The following SPATC1 variants were observed in gnomAD, a reference collection of about 807,000 sequenced individuals.
SPATC1 encodes speriolin.
SPATC1 carries 35 observed loss-of-function variants against 36.5 expected under a neutral mutation model. The observed-to-expected ratio is 0.96, with a 90% CI of 0.73 to 1.27. The LOEUF (loss-of-function observed/expected upper bound fraction) is 1.27, where lower values mean the gene tolerates loss of function less well. Among genes scored for constraint, SPATC1 ranks in the 50% most tolerant of loss-of-function variants. The pLI is 0.00. For missense variants in SPATC1, 779 were observed against 796.0 expected (o/e 0.98, Z 0.26); for synonymous variants, 361 against 353.6 (o/e 1.02, Z -0.24).
intron 1 of SPATC1, among the ~76,000 whole-genome samples, chr8:144,028,866 A>T (rs950852251): frequency 0.033 from 5,072 of 152,264 alleles, 298 homozygotes; most frequent in African/African-American, 0.12. Flanking sequence ...ATGGAATATT[A>T]TGCCATAAAA....
rs782059713 is a variant in SPATC1, at chr8:144,046,756, G to A, written c.1576G>A (p.Glu526Lys). ...CGGGCGGGTGCACCCTGCGCTGACC[G>A]AGCAGCTGGTGAACGCTTATGGCAT... is the stretch of plus-strand genomic sequence containing the variant. ...YNGRVHPALTEQLVNAYGILR... is the reference protein window; with the variant it reads ...YNGRVHPALTKQLVNAYGILR... The change falls in exon 5 of 5, where the codon GAG (glutamate) becomes AAG (lysine). Residue 526 changes from glutamate to lysine, a missense_variant. Physicochemically the swap from Glu to Lys is moderately conservative, Grantham distance 56 (BLOSUM62 1). Coordinates refer to ENST00000377470, the MANE Select transcript of SPATC1 (RefSeq NM_198572.3). The surrounding 1 kb of genome is among the most constrained non-coding windows in gnomAD (Gnocchi z 6.6). 1.1e-5 allele frequency: 18 copies of A among 1,611,726 alleles called. No homozygotes were observed. The highest frequency in any genetic ancestry group is 1.5e-5 in the Non-Finnish European group (18 of 1,179,992).
chr8:144,020,264 C>T (rs1045485585), intron 1 of SPATC1, among the ~76,000 whole-genome samples: 28 of 151,398 alleles, frequency 1.8e-4, no homozygotes, highest in African/African-American at 4.4e-4. Context: ...AGACCCTCTC[C>T]GCTGAAGAAC....
chr8:144,034,465 C>G (rs1834859001), intron 1 of SPATC1, among the ~76,000 whole-genome samples: 1 of 150,414 alleles, frequency 6.6e-6, no homozygotes, highest in South Asian at 2.1e-4. Flanking sequence ...AAAATACATA[C>G]TCATATTGTG....
chr8:144,034,717 G>A (rs1834864332), intron 1 of SPATC1, among the ~76,000 whole-genome samples: 1 of 152,006 alleles, frequency 6.6e-6, no homozygotes, highest in Non-Finnish European at 1.5e-5. Flanking sequence ...CGAGTCCAGG[G>A]TTCAAGCGAT....
chr8:144,030,561 G>A (rs1834773474), intron 1 of SPATC1, among the ~76,000 whole-genome samples: 1 of 152,118 alleles, frequency 6.6e-6, no homozygotes, highest in Non-Finnish European at 1.5e-5. Flanking sequence ...ATTTCACCAT[G>A]CTGGCCAGGC....
chr8:144,038,580 T>C (rs1255312233), intron 1 of SPATC1, among the ~76,000 whole-genome samples: 1 of 151,268 alleles, frequency 6.6e-6, no homozygotes, highest in Non-Finnish European at 1.5e-5. Context: ...GCTCAAATGA[T>C]CCTCCCACCT....
chr8:144,034,342 G>T (rs939194689), intron 1 of SPATC1, among the ~76,000 whole-genome samples: 7 of 151,996 alleles, frequency 4.6e-5, no homozygotes, highest in African/African-American at 1.7e-4. Flanking sequence ...GCCTGGCTTT[G>T]TTTGCTAAGT....
At chr8:144,019,078 A>G (rs946964360) in intron 1 of SPATC1, among the ~76,000 whole-genome samples, 5,039 of 149,898 alleles carry the variant, frequency 0.034, 316 homozygotes, top group African/African-American at 0.12. Context: ...CGGGGAAGGA[A>G]CTGAGAGGAG....
At chr8:144,044,446 C>T (rs1484925094) in intron 4 of SPATC1, among the ~76,000 whole-genome samples, 4 of 151,230 alleles carry the variant, frequency 2.6e-5, no homozygotes, top group South Asian at 2.1e-4. Flanking sequence ...GGACTACAGG[C>T]GCCCGCCACC....
At chr8:144,037,340 G>A (rs2133136974) in intron 1 of SPATC1, among the ~76,000 whole-genome samples, 1 of 151,808 alleles carries the variant, frequency 6.6e-6, no homozygotes, top group East Asian at 2.0e-4. Context: ...ATTGAGAACG[G>A]GCCATGATGA....
chr8:144,014,798 G>A (rs1236454775), intron 1 of SPATC1, among the ~76,000 whole-genome samples: 2 of 152,232 alleles, frequency 1.3e-5, no homozygotes, highest in African/African-American at 2.4e-5. Flanking sequence ...CCTGACCCAT[G>A]TGTGTCTCAC....
Position 144,012,458 on chromosome 8 carries a change from G to A in SPATC1, c.-58G>A. ...AGCCCAGGCAAGGCCTGGGGCCCTG[G>A]GCAGCCTCCAGGTGCAGTGCCCTCC... On this transcript the variant is annotated 5_prime_UTR_variant, in exon 1 of 5. Transcript: ENST00000377470. 6.7e-7 allele frequency: 1 copy of A among 1,484,510 alleles called. No homozygotes were observed. The highest frequency in any genetic ancestry group is 9.2e-7 in the Non-Finnish European group (1 of 1,087,338). The allele number at this position is 1,484,510 out of a possible 1,614,324, so 92.0% of individuals were successfully genotyped here.
intron 1 of SPATC1, among the ~76,000 whole-genome samples, chr8:144,021,609 C>G (rs1186439823): frequency 6.0e-5 from 8 of 133,036 alleles, no homozygotes; most frequent in African/African-American, 1.9e-4. Context: ...TCAGGACCCT[C>G]TGTCCAGAAG....
Position 144,041,319 on chromosome 8 carries a change from G to T in SPATC1, c.1394G>T (p.Arg465Leu). ...ATCCTGTCCAGCATCTTCCCAGAGC[G>T]CGTACGGCTCTACGGCTTCACTGTC... ...RRILSSIFPERVRLYGFTVSN... is the reference protein window; with the variant it reads ...RRILSSIFPELVRLYGFTVSN... Residue 465 changes from arginine (R) to leucine (L), a missense_variant, in exon 4 of 5, where the codon CGC (arginine) becomes CTC (leucine). Arg to Leu is a moderately radical substitution (Grantham distance 102, BLOSUM62 -2). Transcript: ENST00000377470. 5 of 1,612,918 alleles carry T rather than the reference G, an allele frequency of 3.1e-6. No individual in the cohort carries two copies. The highest frequency in any genetic ancestry group is 2.5e-6 in the Non-Finnish European group (3 of 1,180,012).
intron 1 of SPATC1, among the ~76,000 whole-genome samples, chr8:144,036,776 A>C (rs1834906642): frequency 6.6e-6 from 1 of 152,090 alleles, no homozygotes; most frequent in Non-Finnish European, 1.5e-5. Flanking sequence ...GTCTATTTCC[A>C]GGAAAAAAAT....
intron 1 of SPATC1, among the ~76,000 whole-genome samples, chr8:144,031,557 A>C (rs1834796665): frequency 6.8e-6 from 1 of 148,092 alleles, no homozygotes; most frequent in Non-Finnish European, 1.5e-5. Flanking sequence ...TCTGTCTTTC[A>C]ACTGTCTGAT....
At position 144,040,451 on chromosome 8, in the gene SPATC1, G is replaced by A. The variant is rs1554755661; in HGVS notation, c.754G>A (p.Ala252Thr). 1.3e-6 allele frequency: 2 copies of A among 1,598,850 alleles called. No homozygotes were observed. The highest frequency in any genetic ancestry group is 2.2e-5 in the South Asian group (2 of 89,096). ...GTCCCCAGCTTGCGTGGTACCCACT[G>A]CCACCACCAAAGGTAACAGGTGTGG... ...PQSPACVVPT[A>T]TTKVPLSTEP... The change falls in exon 2 of 5, where the codon GCC becomes ACC. Residue 252 changes from alanine (A) to threonine (T), a missense_variant. Transcript: ENST00000377470.
chr8:144,044,568 A>G (rs1835208975), intron 4 of SPATC1, among the ~76,000 whole-genome samples: 1 of 149,522 alleles, frequency 6.7e-6, no homozygotes, highest in African/African-American at 2.5e-5. Flanking sequence ...TCAGCCTCCC[A>G]AAGTGCTGGA....
In SPATC1 at chr8:144,012,678, A is replaced by G. The variant is rs1834302450; in HGVS notation, c.163A>G (p.Ser55Gly). The G allele has an allele frequency of 6.4e-7, 1 of 1,551,704 alleles. No homozygotes were observed. The highest frequency in any genetic ancestry group is 8.7e-7 in the Non-Finnish European group (1 of 1,146,988). ...AGGLGISGFT[S>G]GLGEATAGLS... ...CGGGCTCGGCATCAGCGGGTTCACGAGTGGGCTTGGTGAGGCAACAGCAGG... is the reference window on the plus strand; with the variant it reads ...CGGGCTCGGCATCAGCGGGTTCACGGGTGGGCTTGGTGAGGCAACAGCAGG... Residue 55 changes from serine to glycine, a missense_variant, in exon 1 of 5, where the codon AGT becomes GGT. Coordinates refer to ENST00000377470, the MANE Select transcript of SPATC1 (RefSeq NM_198572.3).
Sources: allele counts gnomAD v4.1 joint callset (sites outside exome capture counted in the v4.1 genomes callset), GRCh38; gene constraint gnomAD v4.1.1; non-coding constraint Gnocchi (gnomAD v3.1); transcripts MANE v1.5; gene names NCBI Gene and HGNC (gene_info 2026-07-23, HGNC 2026-07-21).